WDPCP: variants seen among roughly 807,000 people sequenced by gnomAD.
The protein encoded by WDPCP is WD repeat-containing and planar cell polarity effector protein fritz homolog.
In WDPCP, 71 loss-of-function variants were observed where a neutral mutation model predicts 93.1. The observed-to-expected ratio is 0.76, with a 90% CI of 0.63 to 0.93. The LOEUF (loss-of-function observed/expected upper bound fraction) is 0.93, where lower values mean the gene tolerates loss of function less well. WDPCP is among the 40% of genes least tolerant of loss of function. The probability of loss-of-function intolerance (pLI) is 0.00; values close to 1 mark genes in which losing one functional copy is unlikely to be tolerated. For missense variants in WDPCP, 844 were observed against 887.4 expected, an observed-to-expected ratio of 0.95 and a Z score of 0.62; for synonymous variants, 315 against 315.0, an observed-to-expected ratio of 1.00 and a Z score of 0.00.
At chr2:63,208,382 T>C (rs1676498185) in intron 14 of WDPCP, among the ~76,000 whole-genome samples, 1 of 152,196 alleles carries the variant, frequency 6.6e-6, no homozygotes, top group African/African-American at 2.4e-5. Flanking sequence ...CTGAGTTTGT[T>C]GTGTTCATCA....
At chr2:63,266,651 C>G (rs1682144960) in intron 13 of WDPCP, among the ~76,000 whole-genome samples, 3 of 152,002 alleles carry the variant, frequency 2.0e-5, no homozygotes, top group Non-Finnish European at 4.4e-5. Context: ...ACTAAAAATA[C>G]AAAAATTAGC....
At chr2:63,665,219 G>C (rs1710268858) in intron 2 of WDPCP, among the ~76,000 whole-genome samples, 1 of 152,204 alleles carries the variant, frequency 6.6e-6, no homozygotes, top group Non-Finnish European at 1.5e-5. Context: ...CTCAAGGTTA[G>C]AAGTCCAAGA....
chr2:63,146,406 GTTT>G (rs33976806), intron 17 of WDPCP, among the ~76,000 whole-genome samples: 19 of 130,388 alleles, frequency 1.5e-4, no homozygotes, highest in Non-Finnish European at 2.1e-4. Context: ...TTGAGAGCGT[GTTT>G]TTTTTTTTTT....
chr2:63,837,693 A>G, the WDPCP span, among the ~76,000 whole-genome samples: 1 of 152,250 alleles, frequency 6.6e-6, no homozygotes, highest in Non-Finnish European at 1.5e-5. Flanking sequence ...TCATCAGGGC[A>G]TTTGCTGCTA....
At chr2:63,170,358 C>T (rs908171967) in intron 15 of WDPCP, among the ~76,000 whole-genome samples, 5 of 151,684 alleles carry the variant, frequency 3.3e-5, no homozygotes, top group African/African-American at 9.7e-5. Flanking sequence ...CTGCAACCTC[C>T]GCCTCCTGGG....
chr2:63,146,842 A>T (rs957060935), intron 17 of WDPCP, among the ~76,000 whole-genome samples: 1 of 152,268 alleles, frequency 6.6e-6, no homozygotes, highest in Non-Finnish European at 1.5e-5. Context: ...TGGACAGATA[A>T]GTGATAACGC....
intron 12 of WDPCP, among the ~76,000 whole-genome samples, chr2:63,377,405 T>A (rs764719615): frequency 4.6e-5 from 7 of 151,554 alleles, no homozygotes; most frequent in African/African-American, 7.3e-5. Context: ...TTCCATTGTA[T>A]AACATGTCAT....
intron 15 of WDPCP, among the ~76,000 whole-genome samples, chr2:63,157,317 CTTTTT>C (rs994501394): frequency 6.6e-6 from 1 of 151,478 alleles, no homozygotes; most frequent in African/African-American, 2.4e-5. Flanking sequence ...GTTTTTTGTA[CTTTTT>C]TTTCTTTCGT....
chr2:63,605,962 T>C (rs1575727535), intron 3 of WDPCP: 8 of 1,614,140 alleles, frequency 5.0e-6, no homozygotes, highest in Non-Finnish European at 6.8e-6. Flanking sequence ...CCATGGGTGT[T>C]ATCTCTGATG....
intron 13 of WDPCP, among the ~76,000 whole-genome samples, chr2:63,272,774 A>T (rs1303432963): frequency 6.6e-6 from 1 of 152,226 alleles, no homozygotes; most frequent in African/African-American, 2.4e-5. Flanking sequence ...TCTACCAAAT[A>T]TTTGAATTTT....
At chr2:63,743,747 A>C (rs1575762920) in intron 2 of WDPCP, among the ~76,000 whole-genome samples, 1 of 152,276 alleles carries the variant, frequency 6.6e-6, no homozygotes, top group South Asian at 2.1e-4. Flanking sequence ...GCTTTTTAAA[A>C]AAAATACCAT....
chr2:63,361,731 G>T (rs1323516707), intron 12 of WDPCP, among the ~76,000 whole-genome samples: 3 of 152,068 alleles, frequency 2.0e-5, no homozygotes, highest in Non-Finnish European at 4.4e-5. Context: ...TCTTTATTTG[G>T]TTTTTGCAAA....
chr2:63,742,281 G>A (rs1371674109), intron 2 of WDPCP, among the ~76,000 whole-genome samples: 1 of 151,964 alleles, frequency 6.6e-6, no homozygotes, highest in Non-Finnish European at 1.5e-5. Flanking sequence ...AAGGAAGGGA[G>A]AGAGGGAGGA....
At chr2:63,457,415 A>G (rs1225151843) in intron 6 of WDPCP, among the ~76,000 whole-genome samples, 2 of 152,170 alleles carry the variant, frequency 1.3e-5, no homozygotes, top group East Asian at 3.9e-4. Flanking sequence ...AACCTCCTCA[A>G]ACTATTGAAG....
chr2:63,745,075 G>T (rs1669775124), intron 2 of WDPCP, among the ~76,000 whole-genome samples: 1 of 151,884 alleles, frequency 6.6e-6, no homozygotes, highest in African/African-American at 2.4e-5. Flanking sequence ...TTGTTCATTT[G>T]ATGTTGTTTA....
intron 3 of WDPCP, among the ~76,000 whole-genome samples, chr2:63,595,937 A>G (rs1349515752): frequency 6.6e-6 from 1 of 152,196 alleles, no homozygotes; most frequent in Non-Finnish European, 1.5e-5. Context: ...GATGTCCTTC[A>G]TAGCTATACA....
rs1321696591 is a variant in WDPCP, at chr2:63,492,770, A to C, written c.160+86T>G. ...AGAAAGAATGCAACTCCAGCTGGAG[A>C]ATTCAGGCTCTAACCTTTGCTAGTA... On this transcript the variant is annotated intron_variant, in intron 2 of 17. Coordinates refer to ENST00000272321, the MANE Select transcript of WDPCP (RefSeq NM_015910.7). The C allele has an allele frequency of 4.9e-6, 6 of 1,215,994 alleles. No individual in the cohort carries two copies. The East Asian group carries it at 1.4e-4, about 29-fold the overall frequency. 75.3% of individuals were successfully genotyped at this position (1,215,994 alleles called of 1,614,324 possible). A position where few individuals can be genotyped will look rare whatever the true frequency, so the allele number is the denominator to read the frequency against.
At chr2:63,536,657 T>A (rs1363153680) in intron 1 of WDPCP, among the ~76,000 whole-genome samples, 1 of 151,474 alleles carries the variant, frequency 6.6e-6, no homozygotes, top group Non-Finnish European at 1.5e-5. Context: ...TACTTTGAAG[T>A]GCATCAGAAG....
chr2:63,604,607 T>G (rs1709491845), intron 3 of WDPCP: 1 of 1,019,858 alleles, frequency 9.8e-7, no homozygotes, highest in Non-Finnish European at 1.4e-6. Context: ...AAGCTTTTTA[T>G]CTTTATTTAA....
Sources: allele counts gnomAD v4.1 joint callset (sites outside exome capture counted in the v4.1 genomes callset), GRCh38; gene constraint gnomAD v4.1.1; transcripts MANE v1.5; gene names NCBI Gene and HGNC (gene_info 2026-07-23, HGNC 2026-07-21).